Variants in CDKL5 observed in about 807,000 individuals in gnomAD.
CDKL5 encodes the protein cyclin-dependent kinase-like 5.
Under a neutral mutation model 61.7 loss-of-function variants are expected in CDKL5, and 8 were observed. That is an observed-to-expected ratio of 0.13 (90% CI 0.08 to 0.23). CDKL5 has a LOEUF of 0.23. CDKL5 is among the 10% of genes least tolerant of loss of function. The probability of loss-of-function intolerance (pLI) is 1.00; values close to 1 mark genes in which losing one functional copy is unlikely to be tolerated. For missense variants in CDKL5, 440 were observed against 734.5 expected, an observed-to-expected ratio of 0.60 and a Z score of 4.63; for synonymous variants, 275 against 272.3, an observed-to-expected ratio of 1.01 and a Z score of -0.10.
At chrX:18,595,210 A>G (rs1925951812) in intron 9 of CDKL5, 138 bp from the exon 10 acceptor site, 1 of 506,364 alleles carries the variant, frequency 2.0e-6, no homozygotes, top group African/African-American at 2.4e-5. Context: ...ATACATAGAC[A>G]ACAAAAGTAA....
intron 1 of CDKL5, among the ~76,000 whole-genome samples, chrX:18,449,766 G>A (rs1002396869): frequency 1.9e-4 from 21 of 109,472 alleles, no homozygotes; most frequent in South Asian, 7.5e-4. Context: ...GTTAATAAAA[G>A]TTTTTTCCCC....
chrX:18,588,970 C>G (rs948068456), intron 9 of CDKL5: 1 of 109,610 alleles, frequency 9.1e-6, no homozygotes, highest in Non-Finnish European at 1.9e-5. Context: ...CTTGGGCAGC[C>G]TTTCCTAGAC....
intron 7 of CDKL5, among the ~76,000 whole-genome samples, chrX:18,582,622 G>A (rs1262044856): frequency 9.0e-6 from 1 of 111,488 alleles, no homozygotes; most frequent in African/African-American, 3.3e-5. Context: ...GCTGAAAAAT[G>A]AACACTTGAT....
rs1462913178 is a variant in CDKL5 at position 18,647,578 on chromosome X, A to G, written c.2797+1488A>G. 1.0e-5 allele frequency: 4 copies of G among 397,975 alleles called. No individual in the cohort carries two copies. The African/African-American group carries it at 1.0e-4, about 10-fold the overall frequency. 32.8% of individuals were successfully genotyped at this position (397,975 alleles called of 1,213,427 possible). On this transcript the variant is annotated intron_variant, in intron 20 of 21. Transcript: ENST00000379989. ...AACAGCCTTTGTAAAAGCAGAGGGA[A>G]GTGGCTCTATGGCAACTTCACAAGG...
chrX:18,532,212 A>C (rs996231381), intron 3 of CDKL5, among the ~76,000 whole-genome samples: 7 of 112,033 alleles, frequency 6.2e-5, no homozygotes, highest in African/African-American at 2.3e-4. Flanking sequence ...ATCCCTTTGA[A>C]TTTCAAATCT....
At chrX:18,544,807 A>T (rs1924135628) in intron 3 of CDKL5, among the ~76,000 whole-genome samples, 1 of 112,639 alleles carries the variant, frequency 8.9e-6, no homozygotes, top group Non-Finnish European at 1.9e-5. Context: ...AACCACATAG[A>T]TTTGGCAAGA....
intron 1 of CDKL5, among the ~76,000 whole-genome samples, chrX:18,475,109 C>T (rs1425897183): frequency 9.2e-6 from 1 of 108,423 alleles, no homozygotes; most frequent in Non-Finnish European, 1.9e-5. Flanking sequence ...CAGGCACGCA[C>T]CACCACACCT....
intron 17 of CDKL5, among the ~76,000 whole-genome samples, chrX:18,626,416 G>C (rs1927044268): frequency 9.1e-6 from 1 of 110,476 alleles, no homozygotes. Flanking sequence ...ACTGCTGGCA[G>C]AAGTTCCCCA....
chrX:18,598,660 A>G (rs1250233613), intron 11 of CDKL5, 47 bp downstream of exon 11: 3 of 1,123,505 alleles, frequency 2.7e-6, no homozygotes, highest in Non-Finnish European at 2.5e-6. Context: ...TTGGTCTTAC[A>G]AGTAGGTGGA....
At chrX:18,618,785 A>G (rs1037711407) in intron 15 of CDKL5, among the ~76,000 whole-genome samples, 2 of 111,043 alleles carry the variant, frequency 1.8e-5, no homozygotes, top group Non-Finnish European at 3.8e-5. Flanking sequence ...CCTGGGTAAC[A>G]TGGTAAAACC....
At chrX:18,650,525 C>A in exon 21 of CDKL5, 1 of 1,212,168 alleles carries the variant, frequency 8.2e-7, no homozygotes, top group Non-Finnish European at 1.1e-6. Flanking sequence ...AGGTCCGAGG[C>A]ACTTCCATGT....
chrX:18,494,427 CT>C (rs935916095), intron 1 of CDKL5, among the ~76,000 whole-genome samples: 4 of 106,494 alleles, frequency 3.8e-5, no homozygotes, highest in African/African-American at 6.8e-5. Flanking sequence ...TTTTGTATTT[CT>C]TTTTTTTTTA....
chrX:18,652,651 A>C (rs1325607238), intron 21 of CDKL5, among the ~76,000 whole-genome samples: 2 of 105,942 alleles, frequency 1.9e-5, no homozygotes, highest in African/African-American at 7.2e-5. Flanking sequence ...CTTGGGCAAC[A>C]GAGCCAGACT....
rs756986206 is a variant in CDKL5, at chrX:18,603,926, T to C, written c.1002T>C (p.Ala334=). The change falls in exon 12 of 18, where the codon GCT becomes GCC. Residue 334 remains alanine, a synonymous_variant. Transcript: ENST00000623535. ...GAAACCAAGCCGGCAAAAGTACTGC[T>C]TTGCAGTCTCACCACAGATCTAACA... The part of the protein sequence containing the change: ...SNRNQAGKST[A]LQSHHRSNSK... The C allele has an allele frequency of 1.0e-4, 122 of 1,209,112 alleles. 2 individuals carry two copies. In the Middle Eastern group the frequency reaches 6.7e-3, roughly 66 times the overall value.
At chrX:18,616,379 A>G (rs935401237) in intron 15 of CDKL5, among the ~76,000 whole-genome samples, 4 of 111,463 alleles carry the variant, frequency 3.6e-5, no homozygotes, top group Non-Finnish European at 7.5e-5. Flanking sequence ...TAATCCCAGC[A>G]CTTAGGGAGG....
intron 3 of CDKL5, among the ~76,000 whole-genome samples, chrX:18,544,834 C>T (rs1006692241): frequency 8.9e-6 from 1 of 111,943 alleles, no homozygotes; most frequent in African/African-American, 3.2e-5. Context: ...TAAAAAATAA[C>T]CAGTAATAGG....
intron 15 of CDKL5, among the ~76,000 whole-genome samples, chrX:18,616,573 C>T (rs769113619): frequency 1.1e-3 from 118 of 107,434 alleles, no homozygotes; most frequent in Non-Finnish European, 1.9e-3. Flanking sequence ...TGCGGTGAGC[C>T]GACATTACGC....
downstream of CDKL5, among the ~76,000 whole-genome samples, chrX:18,643,181 A>T (rs1003058545): frequency 2.0e-4 from 22 of 111,735 alleles, no homozygotes; most frequent in African/African-American, 7.2e-4. Context: ...GTTTGACGCC[A>T]TTTCCAAAGA....
At chrX:18,468,526 C>T (rs189094493) in intron 1 of CDKL5, among the ~76,000 whole-genome samples, 9 of 111,950 alleles carry the variant, frequency 8.0e-5, no homozygotes, top group Admixed American at 2.9e-4. Flanking sequence ...CTTTAGTAAG[C>T]GTAAGCACTG....
Sources: allele counts gnomAD v4.1 joint callset (sites outside exome capture counted in the v4.1 genomes callset), GRCh38; gene constraint gnomAD v4.1.1; transcripts MANE v1.5; gene names NCBI Gene and HGNC (gene_info 2026-07-23, HGNC 2026-07-21).